Variants in LGR6 observed in about 807,000 individuals in gnomAD.
LGR6 encodes leucine-rich repeat-containing G protein-coupled receptor 6.
In LGR6, 45 loss-of-function variants were observed where a neutral mutation model predicts 69.4. The ratio of observed to expected loss-of-function variants is 0.65; its 90% CI spans 0.51 to 0.83. The LOEUF (loss-of-function observed/expected upper bound fraction) is 0.83. Ranked by LOEUF, LGR6 falls within the 40% of genes least tolerant of loss-of-function variation. The pLI, the probability that LGR6 is intolerant of heterozygous loss-of-function variation, is 0.00. For synonymous variants in LGR6, 538 were observed against 555.0 expected (o/e 0.97, Z 0.43); for missense variants, 1,108 against 1,246.7 (o/e 0.89, Z 1.68).
intron 4 of LGR6, among the ~76,000 whole-genome samples, chr1:202,269,829 C>T (rs1664949324): frequency 6.6e-6 from 1 of 152,212 alleles, no homozygotes; most frequent in Non-Finnish European, 1.5e-5. Flanking sequence ...CCTTAGGGCA[C>T]ACTGACCTTT....
chr1:202,214,379 A>G (rs1659617986), intron 1 of LGR6: 5 of 819,954 alleles, frequency 6.1e-6, no homozygotes, highest in Non-Finnish European at 7.0e-6. Flanking sequence ...CTGGGAGCCG[A>G]GGCCGCCTCC....
In LGR6 at chr1:202,194,120, A is replaced by G. The variant is rs1161742084; in HGVS notation, c.131A>G (p.Asp44Gly). 3.9e-6 allele frequency: 6 copies of G among 1,558,176 alleles called. No homozygotes were observed. The Admixed American group carries it at 1.1e-4, about 28-fold the overall frequency. ...ACPAPCHCQEDGIMLSADCSE... is the reference protein window; with the variant it reads ...ACPAPCHCQEGGIMLSADCSE... ...CCGGCCCCCTGCCACTGCCAGGAGGACGGCATCATGCTGTCTGCCGACTGC... is the reference window on the plus strand; with the variant it reads ...CCGGCCCCCTGCCACTGCCAGGAGGGCGGCATCATGCTGTCTGCCGACTGC... Residue 44 changes from aspartate to glycine, a missense_variant, in exon 1 of 18, where the codon GAC (aspartate) becomes GGC (glycine). Transcript: ENST00000367278.
At chr1:202,231,874 C>T (rs1473153306) in intron 3 of LGR6, among the ~76,000 whole-genome samples, 4 of 152,070 alleles carry the variant, frequency 2.6e-5, no homozygotes, top group African/African-American at 9.7e-5. Flanking sequence ...AGGTGGATAA[C>T]CTGAGGTCAG....
At chr1:202,269,781 G>A (rs1294605603) in intron 4 of LGR6, among the ~76,000 whole-genome samples, 1 of 152,164 alleles carries the variant, frequency 6.6e-6, no homozygotes, top group African/African-American at 2.4e-5. Flanking sequence ...AACAGAAGAG[G>A]AGGACACCTG....
chr1:202,296,427 C>G (rs1228504944), intron 6 of LGR6, among the ~76,000 whole-genome samples: 1 of 152,210 alleles, frequency 6.6e-6, no homozygotes, highest in Non-Finnish European at 1.5e-5. Context: ...GTACAACTTT[C>G]TAGAAGTACC....
At chr1:202,267,609 T>C (rs1481869019) in intron 4 of LGR6, among the ~76,000 whole-genome samples, 1 of 152,170 alleles carries the variant, frequency 6.6e-6, no homozygotes, top group Admixed American at 6.5e-5. Context: ...GCATGCAAGA[T>C]GGGAAGCATA....
intron 4 of LGR6, among the ~76,000 whole-genome samples, chr1:202,249,147 C>T (rs1663007676): frequency 6.6e-6 from 1 of 152,208 alleles, no homozygotes; most frequent in Admixed American, 6.5e-5. Flanking sequence ...ACAGTCCACA[C>T]CAGTGGTGTC....
intron 3 of LGR6, among the ~76,000 whole-genome samples, chr1:202,233,201 GA>G (rs976226210): frequency 1.3e-5 from 2 of 152,204 alleles, no homozygotes; most frequent in African/African-American, 4.8e-5. Context: ...GTACAATTCA[GA>G]AACCTTAAAG....
At chr1:202,257,997 T>C (rs1663916010) in intron 4 of LGR6, among the ~76,000 whole-genome samples, 1 of 152,146 alleles carries the variant, frequency 6.6e-6, no homozygotes, top group Admixed American at 6.5e-5. Context: ...CAACAATGTT[T>C]TGTCATTTTG....
intron 1 of LGR6, among the ~76,000 whole-genome samples, chr1:202,211,379 A>T (rs2147914616): frequency 6.6e-6 from 1 of 152,316 alleles, no homozygotes; most frequent in East Asian, 1.9e-4. Context: ...TTTGAGACAG[A>T]GTCTCACTCT....
chr1:202,220,775 C>T (rs1330848962), intron 1 of LGR6, among the ~76,000 whole-genome samples: 1 of 152,076 alleles, frequency 6.6e-6, no homozygotes, highest in Non-Finnish European at 1.5e-5. Flanking sequence ...GGGGCATAGC[C>T]AACCCCAGGG....
intron 6 of LGR6, among the ~76,000 whole-genome samples, chr1:202,286,640 C>T (rs1666412636): frequency 6.6e-6 from 1 of 152,172 alleles, no homozygotes; most frequent in African/African-American, 2.4e-5. Context: ...AACTCTCTTT[C>T]CTTGCCAGTT....
Position 202,270,867 on chromosome 1 carries a change from G to A in LGR6, c.429-5439G>A, listed in dbSNP as rs1022542313. ...CACACCACATGCCCCTTGGGACTTG[G>A]AGGGAAGGGTCCCCTTCCTTCCCTC... On this transcript the variant is annotated intron_variant, in intron 4 of 17. Coordinates refer to ENST00000367278, the MANE Select transcript of LGR6 (RefSeq NM_001017403.2). Among the ~76,000 whole-genome samples, 32 of 152,128 alleles carry A rather than the reference G, an allele frequency of 2.1e-4. 1 individual carries two copies. Among genetic ancestry groups the A allele is most frequent in the South Asian group, 4.1e-4 (2 of 4,832 alleles).
chr1:202,317,214 T>A (rs1480800998), intron 17 of LGR6, among the ~76,000 whole-genome samples: 2 of 152,200 alleles, frequency 1.3e-5, no homozygotes, highest in African/African-American at 4.8e-5. Flanking sequence ...CTCCCAATTC[T>A]GATACCCTCT....
chr1:202,247,022 T>C (rs993463097), intron 4 of LGR6, among the ~76,000 whole-genome samples: 7 of 152,202 alleles, frequency 4.6e-5, no homozygotes, highest in Non-Finnish European at 1.0e-4. Flanking sequence ...GAGGGACCCT[T>C]GAGGTCTAGT....
chr1:202,278,981 G>A (rs1477396009), intron 5 of LGR6, among the ~76,000 whole-genome samples: 1 of 152,178 alleles, frequency 6.6e-6, no homozygotes, highest in Non-Finnish European at 1.5e-5. Context: ...CTCCCAGACT[G>A]GACCATTTGG....
chr1:202,227,508 CT>C (rs1571844436), intron 2 of LGR6, among the ~76,000 whole-genome samples: 1 of 152,220 alleles, frequency 6.6e-6, no homozygotes, highest in African/African-American at 2.4e-5. Flanking sequence ...GACACACCCC[CT>C]GGTACTCCTC....
chr1:202,255,318 G>T (rs560131413), intron 4 of LGR6, among the ~76,000 whole-genome samples: 3 of 152,188 alleles, frequency 2.0e-5, no homozygotes, highest in Admixed American at 1.3e-4. Flanking sequence ...AGGGGTCCTG[G>T]ACCACAGCAG....
chr1:202,205,427 TAA>T (rs1659154212), intron 1 of LGR6, among the ~76,000 whole-genome samples: 3 of 132,724 alleles, frequency 2.3e-5, no homozygotes, highest in Admixed American at 1.6e-4. Flanking sequence ...CACACACACC[TAA>T]CACACACCTC....
Sources: gnomAD v4.1 joint callset for allele counts (sites outside exome capture counted in the v4.1 genomes callset) on GRCh38, gnomAD v4.1.1 for gene constraint, MANE v1.5 for transcripts, NCBI Gene and HGNC (gene_info 2026-07-23, HGNC 2026-07-21) for gene names.